TEP1: variants seen among roughly 807,000 people sequenced by gnomAD.
The protein encoded by TEP1 is telomerase protein component 1.
In TEP1, 241 loss-of-function variants were observed where a neutral mutation model predicts 306.3. The ratio of observed to expected loss-of-function variants is 0.79; its 90% CI spans 0.71 to 0.88. TEP1 has a LOEUF of 0.88. Among genes scored for constraint, TEP1 ranks in the 40% least tolerant of loss-of-function variants. The pLI, the probability that TEP1 is intolerant of heterozygous loss-of-function variation, is 0.00. For missense variants in TEP1, 3,051 were observed against 3,276.1 expected, an observed-to-expected ratio of 0.93 and a Z score of 1.68; for synonymous variants, 1,289 against 1,305.5, an observed-to-expected ratio of 0.99 and a Z score of 0.27.
intron 4 of TEP1, 62 bp downstream of exon 4, chr14:20,405,389 C>CCCACCACACAT (rs1879097014): frequency 6.3e-7 from 1 of 1,599,052 alleles, no homozygotes; most frequent in African/African-American, 1.3e-5. Context: ...CCGCCACACA[C>CCCACCACACAT]CATAACCACA....
rs1175524916 is a variant in TEP1, at chr14:20,391,244, G to T, written c.2098-148C>A. The T allele has an allele frequency of 4.8e-6, 4 of 827,332 alleles. No homozygotes were observed. In the East Asian group the frequency reaches 8.0e-5, roughly 17 times the overall value. 51.2% of individuals were successfully genotyped at this position (827,332 alleles called of 1,614,324 possible). Reference sequence around the variant, plus strand: ...AAGTTAGGAGGGGTCAGCTTCAGCAGCCCTCAGGAGGAGCTGACTGTGGAG... The same window carrying T: ...AAGTTAGGAGGGGTCAGCTTCAGCATCCCTCAGGAGGAGCTGACTGTGGAG... On this transcript the variant is annotated intron_variant, in intron 13 of 54. Coordinates refer to ENST00000262715, the MANE Select transcript of TEP1 (RefSeq NM_007110.5).
rs141830967 is a variant in TEP1 at position 20,373,297 on chromosome 14, G to A, written c.6787C>T (p.Arg2263Trp). ...GCTTCCTTAGGAACCTGCCAGAGCC[G>A]TACAGAACCATCCTCAGAGGCGGTC... is the stretch of plus-strand genomic sequence containing the variant. ...MLTASEDGSV[R>W]LWQVPKEADD... The change falls in exon 47 of 55, where the codon CGG becomes TGG. Residue 2263 changes from arginine (R) to tryptophan (W), a missense_variant. Arg to Trp is a moderately radical substitution (Grantham distance 101). Coordinates refer to ENST00000262715, the MANE Select transcript of TEP1 (RefSeq NM_007110.5). 5.1e-4 allele frequency: 824 copies of A among 1,614,126 alleles called. 3 individuals are homozygous for A. In the African/African-American group the frequency reaches 9.4e-3, roughly 18 times the overall value.
intron 33 of TEP1, 121 bp downstream of exon 33, chr14:20,380,810 G>A (rs1031295535): frequency 2.3e-6 from 2 of 866,324 alleles, no homozygotes; most frequent in Non-Finnish European, 1.8e-6. Flanking sequence ...AACTCGAAAT[G>A]GAAATTTGAA....
chr14:20,397,935 TAG>T (rs1878337814), intron 9 of TEP1, among the ~76,000 whole-genome samples: 1 of 151,936 alleles, frequency 6.6e-6, no homozygotes, highest in Non-Finnish European at 1.5e-5. Context: ...GTATTTTTAG[TAG>T]AGACGGGGTT....
In TEP1 at chr14:20,407,890, C is replaced by T. The variant is rs148069631; in HGVS notation, c.550G>A (p.Ala184Thr). 146 of 1,596,940 alleles carry T rather than the reference C, an allele frequency of 9.1e-5. No individual in the cohort carries two copies. Among genetic ancestry groups the T allele is most frequent in the Non-Finnish European group, 1.1e-4 (134 of 1,170,510 alleles). ...GCTATTACCAAAGTTGCTTCCTGAG[C>T]TGTCTCTGTGGCAGAGATGGATTTC... ...ALKSISATET[A>T]QEATLGRWFD... The change falls in exon 2 of 55, where the codon GCT (alanine) becomes ACT (threonine). Residue 184 changes from alanine (A) to threonine (T), a missense_variant. This residue lies in a region of TEP1 where 1,507 missense variants were observed against 1,550.5 expected (regional missense o/e 0.97). Transcript: ENST00000262715.
At position 20,390,986 on chromosome 14, in the gene TEP1, T is replaced by C; in HGVS notation, c.2208A>G (p.Ala736=). Residue 736 remains alanine (A), a synonymous_variant, in exon 14 of 55, where the codon GCA becomes GCG. Transcript: ENST00000262715. ...GDTLKTAVLK[A]EEGILKTAIK... ...TGGCAGTCTTCAGGATGCCTTCTTCTGCCTTAAGCACTGCAGTCTTCAGAG... is the reference window on the plus strand; with the variant it reads ...TGGCAGTCTTCAGGATGCCTTCTTCCGCCTTAAGCACTGCAGTCTTCAGAG... 6.2e-7 allele frequency: 1 copy of C among 1,614,190 alleles called. No homozygotes were observed.
chr14:20,403,262 C>A, intron 7 of TEP1, 115 bp downstream of exon 7: 1 of 1,335,912 alleles, frequency 7.5e-7, no homozygotes, highest in Non-Finnish European at 1.0e-6. Context: ...CCCACAATCA[C>A]AGCCAAGAAT....
chr14:20,413,214 C>G (rs1299763665), intron 1 of TEP1, among the ~76,000 whole-genome samples, 191 bp downstream of exon 1: 1 of 152,122 alleles, frequency 6.6e-6, no homozygotes, highest in Non-Finnish European at 1.5e-5. Context: ...CTCCCCTTCC[C>G]GGAGCCGCCG....
rs376262631 is a variant in TEP1, at chr14:20,386,566, C to T, written c.2742G>A (p.Arg914=). 5 of 1,612,104 alleles carry T rather than the reference C, an allele frequency of 3.1e-6. No individual in the cohort carries two copies. The highest frequency in any genetic ancestry group is 3.4e-6 in the Non-Finnish European group (4 of 1,178,678). The change falls in exon 19 of 55, where the codon CGG becomes CGA. Residue 914 remains arginine, a synonymous_variant. Coordinates refer to ENST00000262715, the MANE Select transcript of TEP1 (RefSeq NM_007110.5). ...GCAGCACAGACCTCAGCAGCAGGTC[C>T]CGCTCCCCATGCATGTCTCGGAAAG... ...SSTFRDMHGE[R]DLLLRSVLPA...
chr14:20,395,338 G>T, intron 12 of TEP1, 112 bp downstream of exon 12: 1 of 1,131,958 alleles, frequency 8.8e-7, no homozygotes, highest in Non-Finnish European at 1.2e-6. Context: ...CCACTGCGAT[G>T]ACTGACAAGC....
chr14:20,403,658 T>C, intron 6 of TEP1, 65 bp downstream of exon 6: 1 of 1,608,144 alleles, frequency 6.2e-7, no homozygotes, highest in Non-Finnish European at 8.5e-7. Flanking sequence ...AGCATCAGCA[T>C]GCTCCCTTGT....
intron 9 of TEP1, among the ~76,000 whole-genome samples, chr14:20,399,338 T>C (rs988786645): frequency 1.3e-5 from 2 of 152,162 alleles, no homozygotes; most frequent in African/African-American, 4.8e-5. Context: ...CGGTAAGAAA[T>C]TAAGTCCAAT....
At position 20,365,745 on chromosome 14, in the gene TEP1, C is replaced by T. The variant is rs1594310383; in HGVS notation, c.*2692G>A. 1.3e-5 allele frequency: 2 copies of T among 152,340 alleles called. No individual in the cohort carries two copies. The highest frequency in any genetic ancestry group is 3.9e-4 in the East Asian group (2 of 5,186). The allele number at this position is 152,340 out of a possible 1,614,324, so 9.4% of individuals were successfully genotyped here. A position where few individuals can be genotyped will look rare whatever the true frequency, so the allele number is the denominator to read the frequency against. On this transcript the variant is annotated 3_prime_UTR_variant, in exon 55 of 55. Coordinates refer to ENST00000262715, the MANE Select transcript of TEP1 (RefSeq NM_007110.5). The stretch of plus-strand genomic sequence containing the variant: ...TACACAGTTTCTAAATGGTTACTCT[C>T]AACTTCCGTACTTATCTCATTATAA...
At chr14:20,390,898 C>G (rs1274396262) in intron 14 of TEP1, 40 bp downstream of exon 14, 1 of 1,613,102 alleles carries the variant, frequency 6.2e-7, no homozygotes, top group East Asian at 2.2e-5. Context: ...AGGCCTGTGT[C>G]CTTCATGTAT....
rs111675106 is a variant in TEP1, at chr14:20,405,381, G to A, written c.870+70C>T. On this transcript the variant is annotated intron_variant, in intron 4 of 54. Transcript: ENST00000262715. ...CCAACATGAAGCTAGTCACCACCCC[G>A]CCACACACCATAACCACACTCCCAG... The A allele has an allele frequency of 0.09, 140,707 of 1,571,234 alleles. 6,680 individuals carry two copies. The highest frequency in any genetic ancestry group is 0.13 in the African/African-American group (9,533 of 74,036).
In TEP1 at chr14:20,408,004, T is replaced by C; in HGVS notation, c.436A>G (p.Asn146Asp). 1 of 1,614,192 alleles carries C rather than the reference T, an allele frequency of 6.2e-7. No individual in the cohort carries two copies. Among genetic ancestry groups the C allele is most frequent in the Non-Finnish European group, 8.5e-7 (1 of 1,180,028 alleles). Reference protein sequence around the residue: ...MTQADLYRVNNSNCLLSEPPS... With the variant: ...MTQADLYRVNDSNCLLSEPPS... ...GGCTCAGAGAGCAGGCAATTGCTGT[T>C]GTTCACACGGTACAAATCAGCTTGC... The change falls in exon 2 of 55, where the codon AAC becomes GAC. Residue 146 changes from asparagine (N) to aspartate (D), a missense_variant. By Grantham distance (23) the Asn-to-Asp change is conservative. Around this residue, in one of 3 missense-constraint regions of TEP1, gnomAD observed 1,507 missense variants for 1,550.5 expected, o/e 0.97. Coordinates refer to ENST00000262715, the MANE Select transcript of TEP1 (RefSeq NM_007110.5).
At chr14:20,408,561 T>A in intron 1 of TEP1, 98 bp from the exon 2 acceptor site, 2 of 947,698 alleles carry the variant, frequency 2.1e-6, no homozygotes, top group Non-Finnish European at 3.1e-6. Flanking sequence ...ATAATGCCAA[T>A]GATTTGTGGG....
intron 21 of TEP1, 53 bp downstream of exon 21, chr14:20,384,932 G>T: frequency 2.5e-6 from 4 of 1,612,526 alleles, no homozygotes; most frequent in South Asian, 1.1e-5. Flanking sequence ...GAGAAGACTG[G>T]CCTGTCTGGC....
At chr14:20,391,863 C>T in intron 12 of TEP1, 96 bp from the exon 13 acceptor site, 1 of 1,370,634 alleles carries the variant, frequency 7.3e-7, no homozygotes, top group Admixed American at 1.9e-5. Context: ...AGTATTGAGT[C>T]TTCTCCCTCC....
Sources: gnomAD v4.1 joint callset for allele counts (sites outside exome capture counted in the v4.1 genomes callset) on GRCh38, gnomAD v4.1.1 for gene constraint, gnomAD v4.1.1 regional missense constraint, MANE v1.5 for transcripts, NCBI Gene and HGNC (gene_info 2026-07-23, HGNC 2026-07-21) for gene names.